The following STON2 variants were observed in gnomAD, a reference collection of about 807,000 sequenced individuals.
STON2 encodes the protein stonin 2, also known as stonin-2.
A neutral mutation model predicts 65.7 loss-of-function variants in STON2; 29 were observed. The observed-to-expected ratio is 0.44, with a 90% CI of 0.33 to 0.60. The LOEUF is 0.60. Ranked by LOEUF, STON2 falls within the 20% of genes least tolerant of loss-of-function variation. STON2 has a pLI of 0.03. For missense variants in STON2, 1,054 were observed against 1,118.1 expected (o/e 0.94, Z 0.82); for synonymous variants, 404 against 414.2 (o/e 0.98, Z 0.30).
At chr14:81,371,478 G>A (rs903457302) in intron 3 of STON2, among the ~76,000 whole-genome samples, 1 of 151,894 alleles carries the variant, frequency 6.6e-6, no homozygotes, top group Non-Finnish European at 1.5e-5. Context: ...GGCGGATCAC[G>A]AGGTCAGGAG....
At chr14:81,354,638 T>C (rs1292904677) in intron 4 of STON2, among the ~76,000 whole-genome samples, 3 of 152,144 alleles carry the variant, frequency 2.0e-5, no homozygotes, top group African/African-American at 7.2e-5. Flanking sequence ...TGGAAAATTA[T>C]ACATGAACGA....
chr14:81,343,143 TA>T (rs1897680363), intron 4 of STON2, among the ~76,000 whole-genome samples: 1 of 152,178 alleles, frequency 6.6e-6, no homozygotes, highest in African/African-American at 2.4e-5. Context: ...GGTAGCATTC[TA>T]AATGTGGTGA....
intron 4 of STON2, among the ~76,000 whole-genome samples, chr14:81,364,562 TA>T (rs1321648731): frequency 1.3e-5 from 2 of 152,182 alleles, no homozygotes; most frequent in Non-Finnish European, 2.9e-5. Context: ...TCTGACCAAG[TA>T]GGCAGTAGAG....
rs1894335095 is a variant in STON2, at chr14:81,265,730, T to C, written c.*2684A>G. ...ATTTGTTTGCAGAATATAGATAGCATAGAAGGGATTTTTCCCAACTCTTGG... is the reference window on the plus strand; with the variant it reads ...ATTTGTTTGCAGAATATAGATAGCACAGAAGGGATTTTTCCCAACTCTTGG... On this transcript the variant is annotated 3_prime_UTR_variant, in exon 8 of 8. Transcript: ENST00000614646. 2 of 924,820 alleles carry C rather than the reference T, an allele frequency of 2.2e-6. No individual in the cohort carries two copies. The highest frequency in any genetic ancestry group is 2.6e-6 in the Non-Finnish European group (2 of 776,308). 57.3% of individuals were successfully genotyped at this position (924,820 alleles called of 1,614,324 possible). A position where few individuals can be genotyped will look rare whatever the true frequency, so the allele number is the denominator to read the frequency against.
chr14:81,415,978 G>A (rs73341993), intron 2 of STON2, among the ~76,000 whole-genome samples: 2,605 of 152,244 alleles, frequency 0.017, 81 homozygotes, highest in African/African-American at 0.059. Context: ...AAGGTCAGAA[G>A]CAGGGTGTGG....
At chr14:81,303,496 C>A (rs1488654140) in intron 5 of STON2, among the ~76,000 whole-genome samples, 4 of 152,246 alleles carry the variant, frequency 2.6e-5, no homozygotes, top group African/African-American at 9.6e-5. Flanking sequence ...TGAGTCATTG[C>A]GCCACCACAG....
intron 4 of STON2, among the ~76,000 whole-genome samples, chr14:81,359,866 G>C (rs1450784562): frequency 6.6e-6 from 1 of 152,108 alleles, no homozygotes; most frequent in Non-Finnish European, 1.5e-5. Flanking sequence ...CTGAACCAGT[G>C]ATTTAAAAAC....
intron 4 of STON2, among the ~76,000 whole-genome samples, chr14:81,359,194 T>C (rs952250377): frequency 5.3e-5 from 8 of 152,356 alleles, no homozygotes; most frequent in African/African-American, 1.7e-4. Flanking sequence ...AAGTGTGTTT[T>C]CTGACCACAG....
chr14:81,325,693 A>T (rs1384094743), intron 4 of STON2, among the ~76,000 whole-genome samples: 9 of 152,136 alleles, frequency 5.9e-5, no homozygotes, highest in African/African-American at 2.2e-4. Flanking sequence ...TTTGGCACTT[A>T]AAAAAAACTT....
At chr14:81,343,131 C>A (rs1402683020) in intron 4 of STON2, among the ~76,000 whole-genome samples, 2 of 152,146 alleles carry the variant, frequency 1.3e-5, no homozygotes, top group Non-Finnish European at 2.9e-5. Flanking sequence ...CAGCTCACAA[C>A]TGGTAGCATT....
chr14:81,381,558 C>G (rs1463445655), intron 3 of STON2, among the ~76,000 whole-genome samples: 1 of 150,370 alleles, frequency 6.7e-6, no homozygotes, highest in African/African-American at 2.5e-5. Context: ...TGCTCTCAAC[C>G]TTGTTAGTAA....
In STON2 at chr14:81,415,765, T is replaced by A. The variant is rs940641617; in HGVS notation, c.-199+11337A>T. Among the ~76,000 whole-genome samples, 9 of 152,154 alleles carry A rather than the reference T, an allele frequency of 5.9e-5. No individual in the cohort carries two copies. The South Asian group carries it at 1.5e-3, about 25-fold the overall frequency. On this transcript the variant is annotated intron_variant, in intron 2 of 8. Transcript: ENST00000553821. ...TTGTGGGTTTCTATGTATATGATTA[T>A]ACACTTAAGGTTTTAATTTGGTCCA... is the stretch of plus-strand genomic sequence containing the variant.
intron 4 of STON2, among the ~76,000 whole-genome samples, chr14:81,356,650 G>A (rs28895654): frequency 0.032 from 4,896 of 152,120 alleles, 289 homozygotes; most frequent in African/African-American, 0.11. Flanking sequence ...GTCTCTTTTT[G>A]GTTGGTAAGC....
intron 4 of STON2, among the ~76,000 whole-genome samples, chr14:81,337,427 A>G (rs1897416334): frequency 6.6e-6 from 1 of 152,256 alleles, no homozygotes; most frequent in Admixed American, 6.5e-5. Flanking sequence ...ATGTGGGCAC[A>G]AAGGACAATC....
chr14:81,329,150 T>C (rs909956717), intron 4 of STON2, among the ~76,000 whole-genome samples: 1 of 152,098 alleles, frequency 6.6e-6, no homozygotes, highest in Non-Finnish European at 1.5e-5. Context: ...ATCCAGTCAC[T>C]GGTGTCGTTA....
At chr14:81,327,788 C>T (rs1269928845) in intron 4 of STON2, among the ~76,000 whole-genome samples, 3 of 152,068 alleles carry the variant, frequency 2.0e-5, no homozygotes, top group African/African-American at 7.2e-5. Flanking sequence ...ATCTATTTTA[C>T]TGAGATTATT....
chr14:81,336,722 G>C (rs1177658206), intron 4 of STON2, among the ~76,000 whole-genome samples: 1 of 151,992 alleles, frequency 6.6e-6, no homozygotes, highest in Admixed American at 6.6e-5. Context: ...GAATTAAAGG[G>C]AGCACAATGT....
chr14:81,335,836 G>C (rs1486455014), intron 4 of STON2, among the ~76,000 whole-genome samples: 1 of 152,152 alleles, frequency 6.6e-6, no homozygotes, highest in African/African-American at 2.4e-5. Flanking sequence ...GGAATTCATG[G>C]AGCATATTTA....
In STON2 at chr14:81,396,825, G is replaced by A. The variant is rs552340366; in HGVS notation, c.89-647C>T. ...TATAATCCCAACACTTTGGGAGGCC[G>A]AGGTGAGTGGATCACCTGAGGTCAG... On this transcript the variant is annotated intron_variant, in intron 2 of 7. Coordinates refer to ENST00000614646, the MANE Select transcript of STON2 (RefSeq NM_001394390.1). 3.9e-5 allele frequency among the ~76,000 whole-genome samples: 6 copies of A among 152,302 alleles called. No homozygotes were observed. The East Asian group carries it at 7.7e-4, about 20-fold the overall frequency.
Sources: gnomAD v4.1 joint callset for allele counts (sites outside exome capture counted in the v4.1 genomes callset) on GRCh38, gnomAD v4.1.1 for gene constraint, MANE v1.5 for transcripts, NCBI Gene and HGNC (gene_info 2026-07-23, HGNC 2026-07-21) for gene names.